The following VPS13C variants were observed in gnomAD, a reference collection of about 807,000 sequenced individuals.
VPS13C encodes vacuolar protein sorting 13 homolog C, also known as intermembrane lipid transfer protein VPS13C.
Under a neutral mutation model 456.8 loss-of-function variants are expected in VPS13C, and 358 were observed. That is an observed-to-expected ratio of 0.78 (90% CI 0.72 to 0.86). The LOEUF (loss-of-function observed/expected upper bound fraction) is 0.86. Ranked by LOEUF, VPS13C falls within the 40% of genes least tolerant of loss-of-function variation. The probability of loss-of-function intolerance (pLI) is 0.00; values close to 1 mark genes in which losing one functional copy is unlikely to be tolerated. For missense variants in VPS13C, 4,818 were observed against 4,385.4 expected, an observed-to-expected ratio of 1.10 and a Z score of -2.79; for synonymous variants, 1,578 against 1,486.7, an observed-to-expected ratio of 1.06 and a Z score of -1.41.
chr15:62,036,919 A>G (rs2048018271), intron 3 of VPS13C, among the ~76,000 whole-genome samples: 1 of 151,608 alleles, frequency 6.6e-6, no homozygotes, highest in East Asian at 2.0e-4. Flanking sequence ...TTAATTAGCC[A>G]CACTGACCCT....
chr15:62,047,239 C>T (rs1377987361), intron 1 of VPS13C, among the ~76,000 whole-genome samples: 1 of 151,656 alleles, frequency 6.6e-6, no homozygotes, highest in Non-Finnish European at 1.5e-5. Flanking sequence ...GCCTGGCCAA[C>T]ATGGTGAAAC....
Position 61,985,014 on chromosome 15 carries a change from T to G in VPS13C, c.1579-15A>C. ...TGGGCAACATACTATACAGAAAGAA[T>G]GAAATTAAAATTGTTAAAGTTTAAA... On this transcript the variant is annotated splice_polypyrimidine_tract_variant and intron_variant, in intron 18 of 84. Coordinates refer to ENST00000644861, the MANE Select transcript of VPS13C (RefSeq NM_020821.3). 7.2e-7 allele frequency: 1 copy of G among 1,397,746 alleles called. No individual in the cohort carries two copies. The highest frequency in any genetic ancestry group is 9.4e-7 in the Non-Finnish European group (1 of 1,064,118). The allele number at this position is 1,397,746 out of a possible 1,614,324, so 86.6% of individuals were successfully genotyped here. A position where few individuals can be genotyped will look rare whatever the true frequency, so the allele number is the denominator to read the frequency against.
At chr15:61,928,038 G>A (rs904033601) in intron 51 of VPS13C, among the ~76,000 whole-genome samples, 11 of 145,768 alleles carry the variant, frequency 7.5e-5, no homozygotes, top group East Asian at 6.0e-4. Flanking sequence ...ACCGGGGACC[G>A]TTGTGGGGTT....
At chr15:62,058,268 T>C (rs571070653) in intron 1 of VPS13C, among the ~76,000 whole-genome samples, 18 of 152,324 alleles carry the variant, frequency 1.2e-4, no homozygotes, top group Admixed American at 3.9e-4. Context: ...GGAAAGAATA[T>C]TGCCAGTATT....
chr15:61,890,866 G>A (rs1157152956), intron 66 of VPS13C, among the ~76,000 whole-genome samples: 2 of 152,132 alleles, frequency 1.3e-5, no homozygotes, highest in African/African-American at 2.4e-5. Flanking sequence ...GGCCAACATG[G>A]TGAAACCCCG....
Position 61,878,624 on chromosome 15 carries a change from C to T in VPS13C, c.10125G>A (p.Val3375=), listed in dbSNP as rs770116035. The T allele has an allele frequency of 5.6e-6, 9 of 1,609,018 alleles. No individual in the cohort carries two copies. The highest frequency in any genetic ancestry group is 7.6e-6 in the Non-Finnish European group (9 of 1,178,044). The change falls in exon 74 of 85, where the codon GTG becomes GTA. Residue 3375 remains valine, a synonymous_variant. Transcript: ENST00000644861. ...AGTCTTACTTGAATATAAGGTCATCCACATCAGTCAGAGTAGCACCTATGC... is the reference window on the plus strand; with the variant it reads ...AGTCTTACTTGAATATAAGGTCATCTACATCAGTCAGAGTAGCACCTATGC... ...LKSIGATLTD[V]DDLIFKLAYY... is the part of the protein sequence containing the mutation.
chr15:61,970,500 A>C (rs1431113753), intron 27 of VPS13C, among the ~76,000 whole-genome samples: 2 of 152,224 alleles, frequency 1.3e-5, no homozygotes, highest in Non-Finnish European at 2.9e-5. Flanking sequence ...CACTTTAAAA[A>C]TACTTAAAGA....
At position 61,907,332 on chromosome 15, in the gene VPS13C, C is replaced by G. The variant is rs953780671; in HGVS notation, c.9037G>C (p.Asp3013His). The G allele has an allele frequency of 1.9e-6, 3 of 1,613,922 alleles. No individual in the cohort carries two copies. Among genetic ancestry groups the G allele is most frequent in the Non-Finnish European group, 1.7e-6 (2 of 1,179,898 alleles). ...GTAAGTTTTCTGGTACCAGTAGGAT[C>G]TGCCCAGGCAAAAAGTCGAGCCTGT... Reference protein sequence around the residue: ...PRQARLFAWADPTGTRKLTWT... With the variant: ...PRQARLFAWAHPTGTRKLTWT... Residue 3013 changes from aspartate (D) to histidine (H), a missense_variant, in exon 66 of 85, where the codon GAT becomes CAT. By Grantham distance (81) the Asp-to-His change is moderately conservative. Coordinates refer to ENST00000644861, the MANE Select transcript of VPS13C (RefSeq NM_020821.3).
In VPS13C at chr15:61,909,276, C is replaced by T. The variant is rs961261048; in HGVS notation, c.8845-151G>A. 8 of 882,642 alleles carry T rather than the reference C, an allele frequency of 9.1e-6. No individual in the cohort carries two copies. The African/African-American group carries it at 1.0e-4, about 11-fold the overall frequency. 54.7% of individuals were successfully genotyped at this position (882,642 alleles called of 1,614,324 possible). ...AGGCTGGAGTACAGTGGCGCCATCT[C>T]GGGTTACTGCAACCTCCATCTCCCA... On this transcript the variant is annotated intron_variant, in intron 64 of 84. Coordinates refer to ENST00000644861, the MANE Select transcript of VPS13C (RefSeq NM_020821.3).
rs1290952484 is a variant in VPS13C at position 61,940,762 on chromosome 15, T to G, written c.5486A>C (p.Asp1829Ala). ...TILQASLPQN[D>A]IEILKPVNML... is the part of the protein sequence containing the mutation. ...GTTGACTGGTTTTAAAATTTCAATGTCATTTTGTGGCAAGCTAGCCTGCAA... is the reference window on the plus strand; with the variant it reads ...GTTGACTGGTTTTAAAATTTCAATGGCATTTTGTGGCAAGCTAGCCTGCAA... Residue 1829 changes from aspartate (D) to alanine (A), a missense_variant, in exon 47 of 85, where the codon GAC becomes GCC. By Grantham distance (126) the Asp-to-Ala change is moderately radical. Transcript: ENST00000644861. 6 of 1,613,540 alleles carry G rather than the reference T, an allele frequency of 3.7e-6. No individual in the cohort carries two copies. In the Admixed American group the frequency reaches 8.3e-5, roughly 22 times the overall value.
intron 56 of VPS13C, 47 bp from the exon 57 acceptor site, chr15:61,920,378 T>C (rs757571895): frequency 2.6e-5 from 40 of 1,525,058 alleles, no homozygotes; most frequent in Non-Finnish European, 3.4e-5. Flanking sequence ...AAAACATACA[T>C]TCTTCCCAAA....
chr15:62,002,258 T>A (rs1222075406), intron 15 of VPS13C, among the ~76,000 whole-genome samples: 1 of 152,236 alleles, frequency 6.6e-6, no homozygotes, highest in African/African-American at 2.4e-5. Flanking sequence ...TTTGCATTTC[T>A]CTGATGGCCA....
chr15:61,985,081 G>T, intron 18 of VPS13C, 82 bp from the exon 19 acceptor site: 1 of 1,134,238 alleles, frequency 8.8e-7, no homozygotes, highest in Non-Finnish European at 1.2e-6. Context: ...TAAATTTGCT[G>T]AATTATAAAG....
chr15:62,031,998 T>C (rs1567130691), intron 5 of VPS13C, among the ~76,000 whole-genome samples: 1 of 151,890 alleles, frequency 6.6e-6, no homozygotes, highest in Non-Finnish European at 1.5e-5. Flanking sequence ...TGCTCCATTT[T>C]TTAAAAAGGA....
At chr15:61,952,563 T>C (rs777791063) in intron 38 of VPS13C, among the ~76,000 whole-genome samples, 1 of 152,156 alleles carries the variant, frequency 6.6e-6, no homozygotes, top group Non-Finnish European at 1.5e-5. Flanking sequence ...AATAGAATGA[T>C]TCATCTATCA....
Position 61,858,887 on chromosome 15 carries a change from A to ACC in VPS13C, c.10953-2479_10953-2478insGG, listed in dbSNP as rs1894073118. On this transcript the variant is annotated intron_variant, in intron 82 of 84. Transcript: ENST00000644861. This position sits in a 1 kb window ranked among gnomAD's most constrained non-coding sequence, Gnocchi z 4.4. ...TTGTGCAGCAATACAAAATGTATAC[A>ACC]GTCTCTAACTGGTCTCCTTGCCTCT... Among the ~76,000 whole-genome samples the ACC allele has an allele frequency of 6.6e-6, 1 of 152,230 alleles. No individual in the cohort carries two copies. The highest frequency in any genetic ancestry group is 2.4e-5 in the African/African-American group (1 of 41,472).
intron 82 of VPS13C, among the ~76,000 whole-genome samples, chr15:61,862,726 A>G (rs1321991383): frequency 6.6e-6 from 1 of 152,194 alleles, no homozygotes; most frequent in African/African-American, 2.4e-5. Flanking sequence ...GGATTCTGAC[A>G]TGACTGGTTA....
At chr15:62,031,202 TA>T (rs1282600962) in intron 5 of VPS13C, among the ~76,000 whole-genome samples, 1 of 152,078 alleles carries the variant, frequency 6.6e-6, no homozygotes, top group East Asian at 1.9e-4. Context: ...TAAAACAAGC[TA>T]AGTCAAAATC....
At chr15:62,044,646 A>T (rs1316084781) in intron 1 of VPS13C, among the ~76,000 whole-genome samples, 2 of 152,148 alleles carry the variant, frequency 1.3e-5, no homozygotes, top group East Asian at 3.8e-4. Context: ...TGGGTTCTTT[A>T]ATTACGTTAT....
Sources: gnomAD v4.1 joint callset for allele counts (sites outside exome capture counted in the v4.1 genomes callset) on GRCh38, gnomAD v4.1.1 for gene constraint, Gnocchi (gnomAD v3.1) non-coding constraint, MANE v1.5 for transcripts, NCBI Gene and HGNC (gene_info 2026-07-23, HGNC 2026-07-21) for gene names.